IGSF21: variants seen among roughly 807,000 people sequenced by gnomAD.
IGSF21 encodes immunoglobulin superfamily member 21.
Under a neutral mutation model 46.8 loss-of-function variants are expected in IGSF21, and 28 were observed. The observed-to-expected ratio is 0.60, with a 90% CI of 0.44 to 0.82. The LOEUF (loss-of-function observed/expected upper bound fraction) is 0.82. Among genes scored for constraint, IGSF21 ranks in the 40% least tolerant of loss-of-function variants. The pLI is 0.00. For synonymous variants in IGSF21, 284 were observed against 273.6 expected (o/e 1.04, Z -0.38); for missense variants, 624 against 665.5 (o/e 0.94, Z 0.69).
intron 1 of IGSF21, among the ~76,000 whole-genome samples, chr1:18,145,599 C>T (rs1032608755): frequency 1.3e-5 from 2 of 152,072 alleles, no homozygotes; most frequent in Admixed American, 6.5e-5. Context: ...GCACACACAT[C>T]CTCTTGCCAC....
At position 18,378,170 on chromosome 1, in the gene IGSF21, G is replaced by A. The variant is rs113052315; in HGVS notation, c.1334-86G>A. ...GTTTGTCCTGATGCTGAAATCCAGCGTCTTTGTTGGGGACCTGGAGGCTCT... is the reference window on the plus strand; with the variant it reads ...GTTTGTCCTGATGCTGAAATCCAGCATCTTTGTTGGGGACCTGGAGGCTCT... On this transcript the variant is annotated intron_variant, in intron 9 of 9. Coordinates refer to ENST00000251296, the MANE Select transcript of IGSF21 (RefSeq NM_032880.5). 1.1e-4 allele frequency: 125 copies of A among 1,107,626 alleles called. 1 individual carries two copies. The highest frequency in any genetic ancestry group is 4.0e-4 in the African/African-American group (26 of 64,346). 68.6% of individuals were successfully genotyped at this position (1,107,626 alleles called of 1,614,324 possible).
At chr1:18,225,129 A>AC (rs1491338920) in intron 1 of IGSF21, among the ~76,000 whole-genome samples, 5 of 143,844 alleles carry the variant, frequency 3.5e-5, no homozygotes, top group Admixed American at 2.1e-4. Flanking sequence ...ACACACACAC[A>AC]AAGAAATCAT....
chr1:18,305,813 C>G (rs545815518), intron 3 of IGSF21, among the ~76,000 whole-genome samples: 2 of 152,362 alleles, frequency 1.3e-5, no homozygotes, highest in East Asian at 1.9e-4. Flanking sequence ...TGAAGCAACA[C>G]TGCACAAAGC....
intron 1 of IGSF21, among the ~76,000 whole-genome samples, chr1:18,203,222 C>T (rs1429064527): frequency 6.6e-6 from 1 of 152,180 alleles, no homozygotes; most frequent in Non-Finnish European, 1.5e-5. Context: ...TCCAGGGATG[C>T]TGCAACAAGC....
At chr1:18,344,724 G>T (rs1275090233) in intron 4 of IGSF21, among the ~76,000 whole-genome samples, 1 of 152,118 alleles carries the variant, frequency 6.6e-6, no homozygotes, top group African/African-American at 2.4e-5. Context: ...AGATCCCTGG[G>T]AAATCCCCAG....
At position 18,262,910 on chromosome 1, in the gene IGSF21, A is replaced by C. The variant is rs114491536; in HGVS notation, c.184-28956A>C. Among the ~76,000 whole-genome samples the C allele has an allele frequency of 9.7e-3, 1,479 of 152,296 alleles. 25 individuals carry two copies. The highest frequency in any genetic ancestry group is 0.033 in the African/African-American group (1,389 of 41,560). On this transcript the variant is annotated intron_variant, in intron 2 of 9. Coordinates refer to ENST00000251296, the MANE Select transcript of IGSF21 (RefSeq NM_032880.5). ...GGTTGGCAACTGCAACTGCACACTG[A>C]ATGCCGTGGGAATGGAATGCATTGG...
intron 1 of IGSF21, among the ~76,000 whole-genome samples, chr1:18,185,998 A>G (rs745825239): frequency 6.6e-6 from 1 of 152,180 alleles, no homozygotes; most frequent in African/African-American, 2.4e-5. Flanking sequence ...TGCCTAGCCA[A>G]ATGCCAAAGC....
At chr1:18,274,054 A>G (rs1557619089) in intron 2 of IGSF21, among the ~76,000 whole-genome samples, 1 of 152,344 alleles carries the variant, frequency 6.6e-6, no homozygotes, top group Admixed American at 6.5e-5. Context: ...TGGTCCAGTT[A>G]GAAGAAAAGA....
In IGSF21 at chr1:18,365,172, T is replaced by G. The variant is rs745792374; in HGVS notation, c.541-51T>G. 1 of 1,435,972 alleles carries G rather than the reference T, an allele frequency of 7.0e-7. No homozygotes were observed. The highest frequency in any genetic ancestry group is 9.6e-7 in the Non-Finnish European group (1 of 1,041,268). The allele number at this position is 1,435,972 out of a possible 1,614,324, so 89.0% of individuals were successfully genotyped here. A position where few individuals can be genotyped will look rare whatever the true frequency, so the allele number is the denominator to read the frequency against. On this transcript the variant is annotated intron_variant, in intron 5 of 9. Coordinates refer to ENST00000251296, the MANE Select transcript of IGSF21 (RefSeq NM_032880.5). The surrounding 1 kb of genome is among the most constrained non-coding windows in gnomAD (Gnocchi z 4.8). ...GTTCATCGGAGAACCCACTGGGAGG[T>G]TGAAGTTAGTAGCACAAAATCATTT... is the stretch of plus-strand genomic sequence containing the variant.
Position 18,285,063 on chromosome 1 carries a change from G to A in IGSF21, c.184-6803G>A, listed in dbSNP as rs77669969. On this transcript the variant is annotated intron_variant, in intron 2 of 9. Transcript: ENST00000251296. The stretch of plus-strand genomic sequence containing the variant: ...TCTGCCACTATTACACTTTCCAGCC[G>A]TGGCGGGATTGGCCCATAAGTGGGA... Among the ~76,000 whole-genome samples, 845 of 152,300 alleles carry A rather than the reference G, an allele frequency of 5.5e-3. 33 individuals carry two copies. In the East Asian group the frequency reaches 0.11, roughly 20 times the overall value.
At chr1:18,164,558 T>A (rs996993143) in intron 1 of IGSF21, among the ~76,000 whole-genome samples, 1 of 152,152 alleles carries the variant, frequency 6.6e-6, no homozygotes, top group Non-Finnish European at 1.5e-5. Context: ...AAACACGGTG[T>A]CAGCAAACAC....
chr1:18,326,756 C>G (rs1422809261), intron 3 of IGSF21, among the ~76,000 whole-genome samples: 1 of 152,178 alleles, frequency 6.6e-6, no homozygotes, highest in Non-Finnish European at 1.5e-5. Context: ...CTGTCTGGGT[C>G]TGGGCCACAT....
intron 1 of IGSF21, among the ~76,000 whole-genome samples, chr1:18,225,062 A>ATCTCTCTCTCTCTCTCTCTCTCTCTC (rs111721151): frequency 4.7e-5 from 3 of 63,812 alleles, no homozygotes; most frequent in African/African-American, 1.2e-4. Flanking sequence ...GAGACTCTGT[A>ATCTCTCTCTCTCTCTCTCTCTCTCTC]TCTCTCTCTC....
intron 1 of IGSF21, among the ~76,000 whole-genome samples, chr1:18,177,576 A>G (rs2086814761): frequency 6.6e-6 from 1 of 151,594 alleles, no homozygotes; most frequent in African/African-American, 2.4e-5. Flanking sequence ...CTGTCTCTTC[A>G]TCTCTTATTT....
chr1:18,350,878 C>T (rs1037526392), intron 4 of IGSF21, among the ~76,000 whole-genome samples: 3 of 152,154 alleles, frequency 2.0e-5, no homozygotes, highest in Admixed American at 2.0e-4. Context: ...TGAGCCAGGC[C>T]AGGAGTGCGG....
At chr1:18,245,690 T>A (rs935286002) in intron 2 of IGSF21, among the ~76,000 whole-genome samples, 1 of 152,258 alleles carries the variant, frequency 6.6e-6, no homozygotes, top group Admixed American at 6.5e-5. Flanking sequence ...CAAGCATGTG[T>A]TGAGTGCCTA....
intron 2 of IGSF21, among the ~76,000 whole-genome samples, chr1:18,248,589 C>T: frequency 6.6e-6 from 1 of 152,094 alleles, no homozygotes. Context: ...TCACTTCATG[C>T]CTGCCGTGGT....
intron 1 of IGSF21, among the ~76,000 whole-genome samples, chr1:18,144,671 C>T (rs759353371): frequency 2.0e-5 from 3 of 151,984 alleles, no homozygotes; most frequent in Non-Finnish European, 4.4e-5. Context: ...AAAAGCTGCC[C>T]AGGACCCTTC....
chr1:18,278,007 A>G (rs944662285), intron 2 of IGSF21, among the ~76,000 whole-genome samples: 5 of 152,178 alleles, frequency 3.3e-5, no homozygotes, highest in African/African-American at 1.2e-4. Context: ...GATTTGTGCA[A>G]TTCATTGTGT....
Sources: allele counts gnomAD v4.1 joint callset (sites outside exome capture counted in the v4.1 genomes callset), GRCh38; gene constraint gnomAD v4.1.1; non-coding constraint Gnocchi (gnomAD v3.1); transcripts MANE v1.5; gene names NCBI Gene and HGNC (gene_info 2026-07-23, HGNC 2026-07-21).